The following ADCY10 variants were observed in gnomAD, a reference collection of about 807,000 sequenced individuals.
ADCY10 encodes the protein adenylate cyclase 10.
ADCY10 carries 156 observed loss-of-function variants against 183.3 expected under a neutral mutation model. That is an observed-to-expected ratio of 0.85 (90% CI 0.75 to 0.97). The LOEUF is 0.97. Ranked by LOEUF, ADCY10 falls within the 50% of genes least tolerant of loss-of-function variation. The probability of loss-of-function intolerance (pLI) is 0.00; values close to 1 mark genes in which losing one functional copy is unlikely to be tolerated. For synonymous variants in ADCY10, 645 were observed against 670.0 expected, an observed-to-expected ratio of 0.96 and a Z score of 0.58; for missense variants, 1,745 against 1,934.3, an observed-to-expected ratio of 0.90 and a Z score of 1.84.
intron 25 of ADCY10, 46 bp downstream of exon 25, chr1:167,832,941 G>A (rs1158329337): frequency 5.0e-6 from 8 of 1,597,310 alleles, no homozygotes; most frequent in Non-Finnish European, 6.9e-6. Context: ...AGGCCTCTCT[G>A]GGGAGTGAGA....
At chr1:167,863,831 A>G (rs1571337605) in intron 14 of ADCY10, among the ~76,000 whole-genome samples, 1 of 152,342 alleles carries the variant, frequency 6.6e-6, no homozygotes, top group Middle Eastern at 3.4e-3. Context: ...CCGGACAACT[A>G]AAACTTGGTA....
At chr1:167,831,820 T>G (rs753368717) in intron 25 of ADCY10, among the ~76,000 whole-genome samples, 1 of 152,190 alleles carries the variant, frequency 6.6e-6, no homozygotes, top group African/African-American at 2.4e-5. Context: ...AGATGTATAC[T>G]AAAAAAAGTA....
At chr1:167,898,338 C>G (rs932941484) in intron 6 of ADCY10, among the ~76,000 whole-genome samples, 1 of 152,096 alleles carries the variant, frequency 6.6e-6, no homozygotes, top group Non-Finnish European at 1.5e-5. Flanking sequence ...TGGTGGCTTA[C>G]ACCTATAATC....
Position 167,883,616 on chromosome 1 carries a change from G to T in ADCY10, c.841C>A (p.Gln281Lys). The part of the protein sequence containing the change: ...ESILKQIDNK[Q>K]LQGYLSELRP... ...AGCTCAGATAAATAGCCCTGAAGCTGTTTGTTATCAATCTGCAAAGTAGAG... is the reference window on the plus strand; with the variant it reads ...AGCTCAGATAAATAGCCCTGAAGCTTTTTGTTATCAATCTGCAAAGTAGAG... Residue 281 changes from glutamine (Q) to lysine (K), a missense_variant, in exon 9 of 33, where the codon CAG (glutamine) becomes AAG (lysine). Transcript: ENST00000367851. 9 of 1,614,220 alleles carry T rather than the reference G, an allele frequency of 5.6e-6. No individual in the cohort carries two copies. The highest frequency in any genetic ancestry group is 7.6e-6 in the Non-Finnish European group (9 of 1,180,042).
In ADCY10 at chr1:167,837,276, G is replaced by A; in HGVS notation, c.3050C>T (p.Thr1017Ile). Residue 1017 changes from threonine (T) to isoleucine (I), a missense_variant, in exon 22 of 33, where the codon ACA becomes ATA. Thr to Ile is a moderately conservative substitution (Grantham distance 89, BLOSUM62 -1). Transcript: ENST00000367851. The stretch of plus-strand genomic sequence containing the variant: ...GCGATTTTCAGGAAAAAATGCAGAT[G>A]TCTCAGGAATCTCTGAGTTGGACAA... Reference protein sequence around the residue: ...LILSNSEIPETSAFFPENRSP... With the variant: ...LILSNSEIPEISAFFPENRSP... The A allele has an allele frequency of 6.2e-7, 1 of 1,614,038 alleles. No individual in the cohort carries two copies. Among genetic ancestry groups the A allele is most frequent in the Non-Finnish European group, 8.5e-7 (1 of 1,179,926 alleles).
Position 167,846,115 on chromosome 1 carries a change from T to G in ADCY10, c.2586A>C (p.Ala862=). The change falls in exon 20 of 33, where the codon GCA becomes GCC. Residue 862 remains alanine (A), a synonymous_variant. Transcript: ENST00000367851. ...AAAAAATGTTAGATTCCACTAGGGT[T>G]GCCAGGGTCTTGATCATCATCTTCA... ...WNMKMMIKTL[A]TLVESNIFYC... 1 of 1,614,182 alleles carries G rather than the reference T, an allele frequency of 6.2e-7. No individual in the cohort carries two copies. Among genetic ancestry groups the G allele is most frequent in the Non-Finnish European group, 8.5e-7 (1 of 1,180,024 alleles).
At chr1:167,889,322 C>T (rs1379977620) in intron 8 of ADCY10, among the ~76,000 whole-genome samples, 1 of 152,140 alleles carries the variant, frequency 6.6e-6, no homozygotes, top group Non-Finnish European at 1.5e-5. Context: ...TCAGCATCAA[C>T]TGAAATGATA....
At chr1:167,849,534 A>G (rs991961684) in intron 18 of ADCY10, among the ~76,000 whole-genome samples, 3 of 152,228 alleles carry the variant, frequency 2.0e-5, no homozygotes, top group South Asian at 2.1e-4. Context: ...TAAGCACCAG[A>G]GTTCACATCA....
At position 167,854,441 on chromosome 1, in the gene ADCY10, CA is replaced by C; in HGVS notation, c.2219del (p.Leu740CysfsTer36). 1 of 1,614,172 alleles carries C rather than the reference CA, an allele frequency of 6.2e-7. No homozygotes were observed. Among genetic ancestry groups the C allele is most frequent in the Non-Finnish European group, 8.5e-7 (1 of 1,180,040 alleles). ...CCTCATGATGTTCCAGGTTTTTAAG[CA>C]ATTCTTCACAGTAAAATGGAATCCC... ...SCGIPFYCEE[L>X]LKNLEHHEVL... On this transcript the variant is annotated frameshift_variant, in exon 18 of 33. Coordinates refer to ENST00000367851, the MANE Select transcript of ADCY10 (RefSeq NM_018417.6). LOFTEE classifies it high-confidence loss of function.
intron 18 of ADCY10, among the ~76,000 whole-genome samples, chr1:167,851,560 C>T (rs368970438): frequency 2.6e-5 from 4 of 152,132 alleles, no homozygotes; most frequent in Non-Finnish European, 4.4e-5. Flanking sequence ...CAGTGGCTCA[C>T]GCCTGTAATC....
chr1:167,899,329 G>C lies in ADCY10; in HGVS notation c.642+94C>G. On this transcript the variant is annotated intron_variant, in intron 6 of 32. Transcript: ENST00000367851. ...CCCCATCCCAATCTCCAGCCCAGGA[G>C]CTTTATGAAACCAGCGTGCCCAGTG... 2.4e-6 allele frequency: 3 copies of C among 1,261,318 alleles called. No homozygotes were observed. The East Asian group carries it at 7.0e-5, about 29-fold the overall frequency. 78.1% of individuals were successfully genotyped at this position (1,261,318 alleles called of 1,614,324 possible). A position where few individuals can be genotyped will look rare whatever the true frequency, so the allele number is the denominator to read the frequency against.
At chr1:167,814,783 TA>T (rs1258269572) in intron 31 of ADCY10, among the ~76,000 whole-genome samples, 3 of 152,160 alleles carry the variant, frequency 2.0e-5, no homozygotes, top group African/African-American at 7.2e-5. Context: ...ACTGCATACT[TA>T]AACATGATTA....
intron 1 of ADCY10, among the ~76,000 whole-genome samples, chr1:167,911,273 G>GT (rs1670131855): frequency 2.0e-5 from 3 of 152,210 alleles, no homozygotes; most frequent in Non-Finnish European, 2.9e-5. Context: ...GGAATAAATA[G>GT]TAACTTATCT....
At position 167,836,296 on chromosome 1, in the gene ADCY10, AG is replaced by A; in HGVS notation, c.3309+12del. The A allele has an allele frequency of 1.9e-6, 3 of 1,573,586 alleles. No homozygotes were observed. Among genetic ancestry groups the A allele is most frequent in the Non-Finnish European group, 2.6e-6 (3 of 1,143,478 alleles). ...TCTCTAGGGTGGAGGTGGTCTGGGTAGAAACAGCTTACCATGTAGTTATCAC... is the reference window on the plus strand; with the variant it reads ...TCTCTAGGGTGGAGGTGGTCTGGGTAAAACAGCTTACCATGTAGTTATCAC... On this transcript the variant is annotated intron_variant, in intron 23 of 32. Coordinates refer to ENST00000367851, the MANE Select transcript of ADCY10 (RefSeq NM_018417.6).
At chr1:167,810,611 G>A in intron 32 of ADCY10, 114 bp downstream of exon 32, 3 of 952,704 alleles carry the variant, frequency 3.1e-6, no homozygotes, top group Non-Finnish European at 5.0e-6. Flanking sequence ...CAATGACCCA[G>A]TCTAAGATAT....
At chr1:167,815,162 C>G (rs1662453411) in intron 31 of ADCY10, among the ~76,000 whole-genome samples, 1 of 152,054 alleles carries the variant, frequency 6.6e-6, no homozygotes, top group Middle Eastern at 3.4e-3. Context: ...AAAAAAAAAC[C>G]CCAAACACCT....
At chr1:167,911,313 C>T (rs1487064770) in intron 1 of ADCY10, among the ~76,000 whole-genome samples, 1 of 152,200 alleles carries the variant, frequency 6.6e-6, no homozygotes, top group Non-Finnish European at 1.5e-5. Context: ...AAGACCTGTG[C>T]TAACATTCTT....
At chr1:167,851,177 T>C (rs1248899836) in intron 18 of ADCY10, among the ~76,000 whole-genome samples, 1 of 151,922 alleles carries the variant, frequency 6.6e-6, no homozygotes, top group Non-Finnish European at 1.5e-5. Context: ...TGACACTCTT[T>C]TGTTTGTTTG....
At chr1:167,912,595 G>T (rs576692459) in intron 1 of ADCY10, among the ~76,000 whole-genome samples, 1 of 152,190 alleles carries the variant, frequency 6.6e-6, no homozygotes, top group Non-Finnish European at 1.5e-5. Flanking sequence ...CCTAGCTGAC[G>T]TCCACCCCAC....
Sources: allele counts gnomAD v4.1 joint callset (sites outside exome capture counted in the v4.1 genomes callset), GRCh38; gene constraint gnomAD v4.1.1; transcripts MANE v1.5; gene names NCBI Gene and HGNC (gene_info 2026-07-23, HGNC 2026-07-21).